Variants in TNFSF11 observed in about 807,000 individuals in gnomAD.
TNFSF11 encodes the protein tumor necrosis factor ligand superfamily member 11.
A neutral mutation model predicts 32.2 loss-of-function variants in TNFSF11; 12 were observed. The observed-to-expected ratio is 0.37, with a 90% CI of 0.24 to 0.60. TNFSF11 has a LOEUF of 0.60. TNFSF11 is among the 20% of genes least tolerant of loss of function. TNFSF11 has a pLI of 0.66. For missense variants in TNFSF11, 345 were observed against 398.0 expected (o/e 0.87, Z 1.13); for synonymous variants, 172 against 152.1 (o/e 1.13, Z -0.96).
chr13:42,572,541 TAAC>T (rs1454096847), upstream of TNFSF11, among the ~76,000 whole-genome samples: 1 of 152,088 alleles, frequency 6.6e-6, no homozygotes, highest in African/African-American at 2.4e-5. Context: ...TTCCCAAAGT[TAAC>T]AAACAAAAAG....
At chr13:42,570,213 A>T (rs1026173834), upstream of TNFSF11, among the ~76,000 whole-genome samples, 1 of 152,270 alleles carries the variant, frequency 6.6e-6, no homozygotes, top group East Asian at 1.9e-4. Context: ...TCCTTCTCAT[A>T]TCTGCACTTT....
chr13:42,571,700 C>A (rs1468899707), upstream of TNFSF11: 1 of 152,158 alleles, frequency 6.6e-6, no homozygotes, highest in Non-Finnish European at 1.5e-5. Context: ...AGAGTTTCGA[C>A]TTTATCAACA....
chr13:42,598,310 G>A (rs896448167), intron 2 of TNFSF11, among the ~76,000 whole-genome samples: 61 of 152,196 alleles, frequency 4.0e-4, no homozygotes, highest in African/African-American at 1.4e-3. Flanking sequence ...TTCAATCTCA[G>A]AATTACTCTG....
At chr13:42,565,783 C>T (rs559846823) in intron 1 of TNFSF11, among the ~76,000 whole-genome samples, 5 of 152,006 alleles carry the variant, frequency 3.3e-5, no homozygotes, top group South Asian at 2.1e-4. Context: ...TCCAGTTGTT[C>T]GTGATAAATG....
At position 42,574,409 on chromosome 13, in the gene TNFSF11, C is replaced by A. The variant is rs749110346; in HGVS notation, c.106C>A (p.Pro36Thr). The A allele has an allele frequency of 1.3e-6, 2 of 1,568,502 alleles. No individual in the cohort carries two copies. The highest frequency in any genetic ancestry group is 1.7e-6 in the Non-Finnish European group (2 of 1,159,310). ...GGGCCCCCTGCACGCCCCGCCGCCGCCTGCGCCGCACCAGCCCCCTGCCGC... is the reference window on the plus strand; with the variant it reads ...GGGCCCCCTGCACGCCCCGCCGCCGACTGCGCCGCACCAGCCCCCTGCCGC... ...HEGPLHAPPP[P>T]APHQPPAASR... The change falls in exon 1 of 5, where the codon CCT becomes ACT. Residue 36 changes from proline to threonine, a missense_variant. Physicochemically the swap from Pro to Thr is conservative, Grantham distance 38. This residue lies in a region of TNFSF11 where 197 missense variants were observed against 182.0 expected (regional missense o/e 1.08). Coordinates refer to ENST00000398795, the MANE Select transcript of TNFSF11 (RefSeq NM_003701.4).
chr13:42,572,204 C>T (rs766492367), upstream of TNFSF11, among the ~76,000 whole-genome samples: 2 of 152,098 alleles, frequency 1.3e-5, no homozygotes, highest in East Asian at 1.9e-4. Flanking sequence ...ATGTAACATA[C>T]GGTCCCATAT....
At chr13:42,581,342 C>A in intron 2 of TNFSF11, 49 bp downstream of exon 2, 1 of 1,601,544 alleles carries the variant, frequency 6.2e-7, no homozygotes, top group Non-Finnish European at 8.5e-7. Flanking sequence ...CTGACTCTAC[C>A]AATACTGAAA....
chr13:42,601,521 C>T (rs148407006), intron 4 of TNFSF11, among the ~76,000 whole-genome samples: 8 of 152,328 alleles, frequency 5.3e-5, no homozygotes, highest in African/African-American at 1.7e-4. Context: ...ACCTGATTAT[C>T]TTGAAAATGA....
chr13:42,593,410 A>G (rs1042172701), intron 2 of TNFSF11, among the ~76,000 whole-genome samples: 3 of 152,180 alleles, frequency 2.0e-5, no homozygotes, highest in African/African-American at 4.8e-5. Context: ...CTCTAACCTC[A>G]GTGGATCACT....
chr13:42,583,428 A>AG (rs1469035908), intron 2 of TNFSF11, among the ~76,000 whole-genome samples: 1 of 88,596 alleles, frequency 1.1e-5, no homozygotes, highest in Non-Finnish European at 2.6e-5. Context: ...AAAAAAAAAA[A>AG]AAAAAAAAAA....
chr13:42,590,981 A>C (rs954154186), intron 2 of TNFSF11, among the ~76,000 whole-genome samples: 6 of 152,222 alleles, frequency 3.9e-5, no homozygotes, highest in Non-Finnish European at 7.3e-5. Flanking sequence ...GTCTCTTCCA[A>C]TTAGCAGACT....
At chr13:42,605,922 T>C (rs1869427138) in intron 4 of TNFSF11, among the ~76,000 whole-genome samples, 1 of 152,212 alleles carries the variant, frequency 6.6e-6, no homozygotes, top group Admixed American at 6.5e-5. Flanking sequence ...CTACTTTCCC[T>C]CTTCATGAGT....
At chr13:42,569,557 A>AAAAG (rs754126469), upstream of TNFSF11, among the ~76,000 whole-genome samples, 420 of 67,542 alleles carry the variant, frequency 6.2e-3, 3 homozygotes, top group African/African-American at 9.2e-3. Flanking sequence ...CAAAAAAAAA[A>AAAAG]AAAAGAAAAG....
chr13:42,576,886 C>T (rs1004645639), intron 1 of TNFSF11, among the ~76,000 whole-genome samples: 5 of 152,220 alleles, frequency 3.3e-5, no homozygotes, highest in African/African-American at 1.2e-4. Context: ...AGCGCTGATG[C>T]GTGCCTAGGG....
rs74058714 is a variant in TNFSF11 at position 42,591,824 on chromosome 13, G to C, written c.388-8928G>C. ...CCAAGAATGCCGTGGAAATAAGAGC[G>C]TTGCAATTAAGGATGAGCTATTGAT... is the stretch of plus-strand genomic sequence containing the variant. On this transcript the variant is annotated intron_variant, in intron 2 of 4. Coordinates refer to ENST00000398795, the MANE Select transcript of TNFSF11 (RefSeq NM_003701.4). Among the ~76,000 whole-genome samples, 837 of 152,296 alleles carry C rather than the reference G, an allele frequency of 5.5e-3. 7 individuals carry two copies. The highest frequency in any genetic ancestry group is 0.019 in the African/African-American group (800 of 41,554).
chr13:42,568,121 C>T (rs967872799), intron 2 of TNFSF11, among the ~76,000 whole-genome samples: 1 of 152,238 alleles, frequency 6.6e-6, no homozygotes, highest in Non-Finnish European at 1.5e-5. Flanking sequence ...TAATTGTGTA[C>T]ATTTAAATGT....
chr13:42,599,349 C>CTATCTATCTATCTATCATCT, intron 2 of TNFSF11, among the ~76,000 whole-genome samples: 1 of 112,246 alleles, frequency 8.9e-6, no homozygotes, highest in South Asian at 3.6e-4. Flanking sequence ...ATCTATCTAT[C>CTATCTATCTATCTATCATCT]ATCTATCTAT....
intron 2 of TNFSF11, among the ~76,000 whole-genome samples, chr13:42,586,067 T>C (rs1337832710): frequency 6.6e-6 from 1 of 152,230 alleles, no homozygotes; most frequent in Admixed American, 6.5e-5. Context: ...TGTGCTTTAG[T>C]AAATATTTTG....
intron 2 of TNFSF11, among the ~76,000 whole-genome samples, chr13:42,595,884 AATG>A (rs1461117819): frequency 1.3e-5 from 2 of 152,242 alleles, no homozygotes; most frequent in Admixed American, 6.5e-5. Flanking sequence ...GTGCCGTCTG[AATG>A]ATAAGATTTT....
Sources: allele counts gnomAD v4.1 joint callset (sites outside exome capture counted in the v4.1 genomes callset), GRCh38; gene constraint gnomAD v4.1.1; regional missense constraint gnomAD v4.1.1; transcripts MANE v1.5; gene names NCBI Gene and HGNC (gene_info 2026-07-23, HGNC 2026-07-21).